Variants in PTPRD observed in about 807,000 individuals in gnomAD.
PTPRD encodes the protein receptor-type tyrosine-protein phosphatase delta.
Under a neutral mutation model 214.5 loss-of-function variants are expected in PTPRD, and 34 were observed. The ratio of observed to expected loss-of-function variants is 0.16; its 90% confidence interval spans 0.12 to 0.21. The LOEUF (loss-of-function observed/expected upper bound fraction) is 0.21, where lower values mean the gene tolerates loss of function less well. PTPRD is among the 10% of genes least tolerant of loss of function. The pLI, the probability that PTPRD is intolerant of heterozygous loss-of-function variation, is 1.00. For missense variants in PTPRD, 2,545 were observed against 2,398.7 expected, an observed-to-expected ratio of 1.06 and a Z score of -1.27; for synonymous variants, 1,128 against 845.7, an observed-to-expected ratio of 1.33 and a Z score of -5.79.
intron 11 of PTPRD, among the ~76,000 whole-genome samples, chr9:8,966,100 T>C (rs2099192510): frequency 6.6e-6 from 1 of 152,100 alleles, no homozygotes; most frequent in Non-Finnish European, 1.5e-5. Flanking sequence ...TTGAAGAACT[T>C]CAGAATACTG....
intron 2 of PTPRD, among the ~76,000 whole-genome samples, chr9:10,357,134 A>G (rs558540937): frequency 2.2e-4 from 33 of 152,186 alleles, no homozygotes; most frequent in Non-Finnish European, 7.3e-5. Flanking sequence ...GAAAAGAAGA[A>G]CTAGCAAATA....
chr9:8,861,100 A>G (rs796422975), intron 11 of PTPRD: 7 of 151,626 alleles, frequency 4.6e-5, no homozygotes, highest in African/African-American at 1.7e-4. Context: ...CCTCTAGTGC[A>G]TAATTCAGCA....
At chr9:8,362,187 T>G (rs1199627899) in intron 39 of PTPRD, among the ~76,000 whole-genome samples, 2 of 152,232 alleles carry the variant, frequency 1.3e-5, no homozygotes, top group Non-Finnish European at 2.9e-5. Context: ...TTAGAAAATA[T>G]AAACACAACA....
chr9:9,687,669 T>C (rs2097189808), intron 7 of PTPRD, among the ~76,000 whole-genome samples: 1 of 151,790 alleles, frequency 6.6e-6, no homozygotes, highest in African/African-American at 2.4e-5. Flanking sequence ...TTTAACATGA[T>C]ATTAAAATGC....
intron 3 of PTPRD, among the ~76,000 whole-genome samples, chr9:10,200,285 A>AAC (rs1340682339): frequency 5.9e-5 from 9 of 152,116 alleles, no homozygotes; most frequent in African/African-American, 1.9e-4. Context: ...TGACTGGTAT[A>AAC]ACATATAGAT....
At position 10,549,894 on chromosome 9, in the gene PTPRD, C is replaced by A. The variant is rs2060943351; in HGVS notation, c.-600+62504G>T. 2.0e-5 allele frequency among the ~76,000 whole-genome samples: 3 copies of A among 152,118 alleles called. No individual in the cohort carries two copies. The South Asian group carries it at 6.2e-4, about 31-fold the overall frequency. On this transcript the variant is annotated intron_variant, in intron 2 of 45. Coordinates refer to ENST00000381196, the MANE Select transcript of PTPRD (RefSeq NM_002839.4). Reference sequence around the variant, plus strand: ...AATTCCCTCCTCCCAACCAATGTGTCTTCTATCATTCCTCAAAATTGTTAC... The same window carrying A: ...AATTCCCTCCTCCCAACCAATGTGTATTCTATCATTCCTCAAAATTGTTAC...
At chr9:9,504,955 T>C (rs866089431) in intron 8 of PTPRD, among the ~76,000 whole-genome samples, 3 of 151,646 alleles carry the variant, frequency 2.0e-5, no homozygotes, top group Non-Finnish European at 4.4e-5. Flanking sequence ...GAAGGCATCA[T>C]TCTTGGGCAA....
chr9:9,778,270 G>A (rs1370277183), intron 5 of PTPRD, among the ~76,000 whole-genome samples: 2 of 152,104 alleles, frequency 1.3e-5, no homozygotes, highest in Non-Finnish European at 2.9e-5. Context: ...AGGGGTGAGT[G>A]CAGGAACTAA....
intron 14 of PTPRD, among the ~76,000 whole-genome samples, chr9:8,561,612 G>A (rs1004686311): frequency 1.3e-5 from 2 of 152,162 alleles, no homozygotes; most frequent in Admixed American, 6.5e-5. Flanking sequence ...GGGTGAGGGG[G>A]GGTGGAGAGT....
intron 9 of PTPRD, among the ~76,000 whole-genome samples, chr9:9,334,175 C>T (rs1236262576): frequency 6.6e-6 from 1 of 151,872 alleles, no homozygotes; most frequent in Non-Finnish European, 1.5e-5. Flanking sequence ...AGTCTCACTC[C>T]AAAATGATAA....
chr9:9,326,669 A>G (rs891311363), intron 9 of PTPRD, among the ~76,000 whole-genome samples: 2 of 152,114 alleles, frequency 1.3e-5, no homozygotes, highest in African/African-American at 4.8e-5. Context: ...ATGAGCAAGT[A>G]AGATAAAGAC....
At chr9:8,908,699 C>A (rs907716801) in intron 11 of PTPRD, among the ~76,000 whole-genome samples, 8 of 151,358 alleles carry the variant, frequency 5.3e-5, no homozygotes, top group Non-Finnish European at 7.4e-5. Context: ...AAAAGAAGAA[C>A]AAATTAAACC....
chr9:8,760,761 A>G (rs77743391), intron 11 of PTPRD, among the ~76,000 whole-genome samples: 7,106 of 152,128 alleles, frequency 0.047, 403 homozygotes, highest in African/African-American at 0.14. Flanking sequence ...TGGCCTTTCT[A>G]GTGATTATTC....
intron 11 of PTPRD, among the ~76,000 whole-genome samples, chr9:8,820,038 C>T (rs1446486136): frequency 6.6e-6 from 1 of 152,156 alleles, no homozygotes; most frequent in Non-Finnish European, 1.5e-5. Context: ...ACATTTCAGA[C>T]ATTCTGAAAT....
chr9:9,992,055 T>C (rs1269983725), intron 4 of PTPRD, among the ~76,000 whole-genome samples: 1 of 152,132 alleles, frequency 6.6e-6, no homozygotes, highest in Non-Finnish European at 1.5e-5. Context: ...CCATGAGAGT[T>C]AGAAAGTAGA....
At chr9:8,525,709 G>A (rs1564071910) in intron 17 of PTPRD, among the ~76,000 whole-genome samples, 1 of 152,094 alleles carries the variant, frequency 6.6e-6, no homozygotes, top group Admixed American at 6.6e-5. Flanking sequence ...AAAAGGCATG[G>A]CCTGTGCCAC....
At chr9:8,327,018 G>A (rs554125111) in intron 44 of PTPRD, among the ~76,000 whole-genome samples, 13 of 146,208 alleles carry the variant, frequency 8.9e-5, no homozygotes, top group East Asian at 4.4e-4. Context: ...AGGGTTTTTC[G>A]TGTCTCTATC....
intron 3 of PTPRD, among the ~76,000 whole-genome samples, chr9:10,329,087 A>T (rs1458338355): frequency 1.3e-5 from 2 of 151,772 alleles, no homozygotes; most frequent in African/African-American, 4.8e-5. Flanking sequence ...AATACATTGG[A>T]AATTATAGTT....
chr9:8,898,249 A>T (rs2154249078), intron 11 of PTPRD, among the ~76,000 whole-genome samples: 1 of 142,788 alleles, frequency 7.0e-6, no homozygotes, highest in African/African-American at 2.7e-5. Flanking sequence ...CAACTCTGAG[A>T]GAAAATGAAC....
Sources: allele counts gnomAD v4.1 joint callset (sites outside exome capture counted in the v4.1 genomes callset), GRCh38; gene constraint gnomAD v4.1.1; transcripts MANE v1.5; gene names NCBI Gene and HGNC (gene_info 2026-07-23, HGNC 2026-07-21).